The following PLXDC1 variants were observed in gnomAD, a reference collection of about 807,000 sequenced individuals.
PLXDC1 encodes the protein plexin domain containing 1.
Under a neutral mutation model 61.3 loss-of-function variants are expected in PLXDC1, and 39 were observed. The observed-to-expected ratio is 0.64, with a 90% CI of 0.49 to 0.83. The LOEUF is 0.83. Among genes scored for constraint, PLXDC1 ranks in the 40% least tolerant of loss-of-function variants. The pLI is 0.00. For missense variants in PLXDC1, 596 were observed against 666.5 expected, an observed-to-expected ratio of 0.89 and a Z score of 1.17; for synonymous variants, 212 against 254.5, an observed-to-expected ratio of 0.83 and a Z score of 1.59.
intron 9 of PLXDC1, among the ~76,000 whole-genome samples, chr17:39,082,817 A>G (rs966858314): frequency 4.0e-4 from 61 of 152,210 alleles, no homozygotes; most frequent in African/African-American, 1.4e-3. Flanking sequence ...TGATTTCAGA[A>G]CAAGGAGTGG....
At chr17:39,127,656 T>C (rs778780838) in intron 2 of PLXDC1, among the ~76,000 whole-genome samples, 4 of 151,868 alleles carry the variant, frequency 2.6e-5, no homozygotes, top group Non-Finnish European at 5.9e-5. Flanking sequence ...CAAAAAGACA[T>C]GAAAAGATGC....
At chr17:39,128,107 A>ATATACATATATATATATACATATATATG (rs1911387353) in intron 2 of PLXDC1, among the ~76,000 whole-genome samples, 3 of 100,632 alleles carry the variant, frequency 3.0e-5, no homozygotes, top group African/African-American at 1.3e-4. Flanking sequence ...GTATATATAT[A>ATATACATATATATATATACATATATATG]TATATATGTA....
At chr17:39,152,765 G>T, upstream of PLXDC1, 29 of 783,426 alleles carry the variant, frequency 3.7e-5, no homozygotes, top group South Asian at 6.5e-5. Flanking sequence ...CCGTGGCACT[G>T]AGGTTAAAAA....
chr17:39,067,679 C>T lies in PLXDC1; in HGVS notation c.*161G>A, dbSNP rs1344519900. 32 of 638,890 alleles carry T rather than the reference C, an allele frequency of 5.0e-5. No homozygotes were observed. The highest frequency in any genetic ancestry group is 6.9e-5 in the Non-Finnish European group (26 of 374,332). 39.6% of individuals were successfully genotyped at this position (638,890 alleles called of 1,614,324 possible). A position where few individuals can be genotyped will look rare whatever the true frequency, so the allele number is the denominator to read the frequency against. Reference sequence around the variant, plus strand: ...GTTTTTTGGCCCCCTCTTCAATATTCGGGGTGTGCTGACGAAGCGAGCAGC... The same window carrying T: ...GTTTTTTGGCCCCCTCTTCAATATTTGGGGTGTGCTGACGAAGCGAGCAGC... On this transcript the variant is annotated 3_prime_UTR_variant, in exon 14 of 14. Coordinates refer to ENST00000315392, the MANE Select transcript of PLXDC1 (RefSeq NM_020405.5).
Position 39,151,537 on chromosome 17 carries a change from C to G in PLXDC1, c.-100G>C. The G allele has an allele frequency of 8.2e-7, 1 of 1,215,962 alleles. No homozygotes were observed. Among genetic ancestry groups the G allele is most frequent in the Non-Finnish European group, 1.0e-6 (1 of 977,900 alleles). 75.3% of individuals were successfully genotyped at this position (1,215,962 alleles called of 1,614,324 possible). On this transcript the variant is annotated 5_prime_UTR_variant, in exon 1 of 14. Coordinates refer to ENST00000315392, the MANE Select transcript of PLXDC1 (RefSeq NM_020405.5). The surrounding 1 kb of genome is among the most constrained non-coding windows in gnomAD (Gnocchi z 5.2). Reference sequence around the variant, plus strand: ...GCGGCCGCGCGGTCCCCGGGGCTGGCGGAGGGGCGGGCGGCGAGGAGACGG... The same window carrying G: ...GCGGCCGCGCGGTCCCCGGGGCTGGGGGAGGGGCGGGCGGCGAGGAGACGG...
intron 11 of PLXDC1, among the ~76,000 whole-genome samples, chr17:39,076,426 G>T (rs955656733): frequency 4.0e-5 from 6 of 150,936 alleles, no homozygotes; most frequent in Non-Finnish European, 8.8e-5. Context: ...TTGGAGGATT[G>T]CTTGAGCCCA....
intron 2 of PLXDC1, among the ~76,000 whole-genome samples, chr17:39,128,201 A>G (rs1319643481): frequency 1.4e-5 from 2 of 141,310 alleles, no homozygotes; most frequent in African/African-American, 5.3e-5. Context: ...ATATATATGT[A>G]TATATATGTG....
At position 39,139,781 on chromosome 17, in the gene PLXDC1, C is replaced by A; in HGVS notation, c.128G>T (p.Gly43Val). The A allele has an allele frequency of 6.2e-7, 1 of 1,613,832 alleles. No individual in the cohort carries two copies. The highest frequency in any genetic ancestry group is 8.5e-7 in the Non-Finnish European group (1 of 1,179,956). Residue 43 changes from glycine to valine, a missense_variant, in exon 2 of 14, where the codon GGC becomes GTC. Transcript: ENST00000315392. ...GCTCTCTCGGGCTCTCCGGTTCCAG[C>A]CCCGCACGGTCCCTTTGGCAGCCCA... ...SGWAAKGTVR[G>V]WNRRARESPG...
chr17:39,077,580 A>G (rs1265971140), intron 11 of PLXDC1, among the ~76,000 whole-genome samples: 2 of 152,182 alleles, frequency 1.3e-5, no homozygotes, highest in Non-Finnish European at 2.9e-5. Flanking sequence ...GAGGACTGCT[A>G]TTAAGATTAG....
chr17:39,121,566 T>C (rs1422618378), intron 2 of PLXDC1, among the ~76,000 whole-genome samples: 1 of 152,218 alleles, frequency 6.6e-6, no homozygotes, highest in Non-Finnish European at 1.5e-5. Flanking sequence ...ACTTCCCAAC[T>C]GCCACCATAG....
chr17:39,096,198 A>G (rs867675834), intron 7 of PLXDC1, among the ~76,000 whole-genome samples: 2 of 152,198 alleles, frequency 1.3e-5, no homozygotes, highest in Admixed American at 6.5e-5. Flanking sequence ...TATTCATTCA[A>G]TAATCACGAG....
At position 39,069,752 on chromosome 17, in the gene PLXDC1, T is replaced by C. The variant is rs1909038083; in HGVS notation, c.1383+104A>G. ...ATGGGGTGGATGAAGTTTTCTCAGGTATGTGGCAGGGGAGAGGGAGAAGGG... is the reference window on the plus strand; with the variant it reads ...ATGGGGTGGATGAAGTTTTCTCAGGCATGTGGCAGGGGAGAGGGAGAAGGG... On this transcript the variant is annotated intron_variant, in intron 13 of 13. Transcript: ENST00000315392. 7.0e-6 allele frequency: 6 copies of C among 862,526 alleles called. No individual in the cohort carries two copies. In the East Asian group the frequency reaches 1.5e-4, roughly 21 times the overall value. 53.4% of individuals were successfully genotyped at this position (862,526 alleles called of 1,614,324 possible).
chr17:39,143,122 A>G (rs1312533433), intron 1 of PLXDC1, among the ~76,000 whole-genome samples: 1 of 152,184 alleles, frequency 6.6e-6, no homozygotes, highest in Admixed American at 6.5e-5. Flanking sequence ...TGGACAAAAA[A>G]GCGAAACTCC....
At chr17:39,128,088 T>TTTGTATATATATATATATATATA (rs1213213801) in intron 2 of PLXDC1, among the ~76,000 whole-genome samples, 1 of 104,674 alleles carries the variant, frequency 9.6e-6, no homozygotes, top group Admixed American at 9.9e-5. Flanking sequence ...TCTCTCTCTC[T>TTTGTATATATATATATATATATA]CTCTATGTGT....
chr17:39,108,773 T>A, intron 4 of PLXDC1, 131 bp downstream of exon 4: 2 of 664,198 alleles, frequency 3.0e-6, no homozygotes, highest in East Asian at 2.7e-5. Context: ...AGAATCAGAC[T>A]CCTATTAGAG....
intron 7 of PLXDC1, among the ~76,000 whole-genome samples, chr17:39,090,118 A>G (rs1487783487): frequency 6.6e-6 from 1 of 151,996 alleles, no homozygotes; most frequent in East Asian, 1.9e-4. Context: ...TTATTTATTT[A>G]TCCTTAACGT....
chr17:39,128,202 T>C (rs181686915), intron 2 of PLXDC1, among the ~76,000 whole-genome samples: 37,224 of 139,580 alleles, frequency 0.27, 5,767 homozygotes, highest in East Asian at 0.42. Context: ...TATATATGTA[T>C]ATATATGTGT....
chr17:39,128,107 A>ATATATACATATATACACATATATATG (rs1911387533), intron 2 of PLXDC1, among the ~76,000 whole-genome samples: 1 of 100,632 alleles, frequency 9.9e-6, no homozygotes, highest in Non-Finnish European at 1.9e-5. Flanking sequence ...GTATATATAT[A>ATATATACATATATACACATATATATG]TATATATGTA....
In PLXDC1 at chr17:39,082,908, A is replaced by G. The variant is rs74480312; in HGVS notation, c.989+551T>C. Among the ~76,000 whole-genome samples, 602 of 152,332 alleles carry G rather than the reference A, an allele frequency of 4.0e-3. 25 individuals are homozygous for G. In the East Asian group the frequency reaches 0.092, roughly 23 times the overall value. ...TCTGAGCTTCTAAAAGCAAGCAAAC[A>G]CAGCTTTTTAGCTCTCCCAACTTTC... On this transcript the variant is annotated intron_variant, in intron 9 of 13. Coordinates refer to ENST00000315392, the MANE Select transcript of PLXDC1 (RefSeq NM_020405.5).
Sources: allele counts gnomAD v4.1 joint callset (sites outside exome capture counted in the v4.1 genomes callset), GRCh38; gene constraint gnomAD v4.1.1; non-coding constraint Gnocchi (gnomAD v3.1); transcripts MANE v1.5; gene names NCBI Gene and HGNC (gene_info 2026-07-23, HGNC 2026-07-21).